NEBL: variants seen among roughly 807,000 people sequenced by gnomAD.
The protein encoded by NEBL is LIM and SH3 protein 2.
A neutral mutation model predicts 140.2 loss-of-function variants in NEBL; 122 were observed. The ratio of observed to expected loss-of-function variants is 0.87; its 90% CI spans 0.75 to 1.01. NEBL has a LOEUF of 1.01. Among genes scored for constraint, NEBL ranks in the 50% least tolerant of loss-of-function variants. NEBL has a pLI of 0.00. For synonymous variants in NEBL, 436 were observed against 398.9 expected (o/e 1.09, Z -1.11); for missense variants, 1,365 against 1,231.3 (o/e 1.11, Z -1.62).
chr10:20,969,147 A>G (rs1775473048), intron 3 of NEBL, among the ~76,000 whole-genome samples: 1 of 152,236 alleles, frequency 6.6e-6, no homozygotes, highest in Non-Finnish European at 1.5e-5. Flanking sequence ...TAAACAGTCG[A>G]AAGGAAAATC....
At chr10:21,268,246 A>T (rs763099874) in intron 1 of NEBL, among the ~76,000 whole-genome samples, 6 of 152,192 alleles carry the variant, frequency 3.9e-5, no homozygotes, top group Non-Finnish European at 7.3e-5. Flanking sequence ...AGGCAGGAGG[A>T]TCAGTTGAGG....
chr10:20,950,804 A>G (rs1013475251), intron 4 of NEBL, among the ~76,000 whole-genome samples: 1 of 152,240 alleles, frequency 6.6e-6, no homozygotes, highest in African/African-American at 2.4e-5. Context: ...TGGGAAATTG[A>G]TTCTATCAAA....
intron 4 of NEBL, among the ~76,000 whole-genome samples, chr10:20,945,877 G>C (rs1475210210): frequency 1.3e-5 from 2 of 152,204 alleles, no homozygotes; most frequent in Non-Finnish European, 2.9e-5. Flanking sequence ...TCCAGTCCCA[G>C]CTCTGTTCTT....
At chr10:21,044,420 A>G (rs1331407911) in intron 2 of NEBL, among the ~76,000 whole-genome samples, 1 of 149,292 alleles carries the variant, frequency 6.7e-6, no homozygotes, top group Non-Finnish European at 1.5e-5. Flanking sequence ...AAAAAAAAAA[A>G]AAAAAAAGCT....
At position 20,858,730 on chromosome 10, in the gene NEBL, C is replaced by A. The variant is rs191812869; in HGVS notation, c.799-386G>T. Among the ~76,000 whole-genome samples the A allele has an allele frequency of 3.2e-3, 490 of 152,308 alleles. 1 individual carries two copies. The highest frequency in any genetic ancestry group is 0.011 in the African/African-American group (473 of 41,584). Reference sequence around the variant, plus strand: ...TTTGATGTTTCCCATCCTATCACCACAGGCTTTTTTAAAGCAACTTTTTGA... The same window carrying A: ...TTTGATGTTTCCCATCCTATCACCAAAGGCTTTTTTAAAGCAACTTTTTGA... On this transcript the variant is annotated intron_variant, in intron 8 of 27. Coordinates refer to ENST00000377122, the MANE Select transcript of NEBL (RefSeq NM_006393.3).
At chr10:21,059,542 C>A (rs1416949063) in intron 2 of NEBL, among the ~76,000 whole-genome samples, 2 of 152,192 alleles carry the variant, frequency 1.3e-5, no homozygotes, top group Non-Finnish European at 2.9e-5. Flanking sequence ...CGTTAACAAC[C>A]TTATACTTTC....
At chr10:20,797,958 C>G (rs1022541602) in intron 26 of NEBL, among the ~76,000 whole-genome samples, 7 of 151,928 alleles carry the variant, frequency 4.6e-5, no homozygotes, top group African/African-American at 1.7e-4. Flanking sequence ...AAAATACTCA[C>G]CAGGCATGGT....
chr10:20,869,023 A>T (rs937646539), intron 6 of NEBL, among the ~76,000 whole-genome samples: 3 of 152,188 alleles, frequency 2.0e-5, no homozygotes, highest in Non-Finnish European at 2.9e-5. Context: ...TTGTAATTAT[A>T]TATAAATACT....
chr10:21,045,626 A>T (rs1167175167), intron 2 of NEBL, among the ~76,000 whole-genome samples: 2 of 152,232 alleles, frequency 1.3e-5, no homozygotes, highest in African/African-American at 4.8e-5. Context: ...AATGCTCAAC[A>T]TCACCAATCA....
At chr10:21,107,426 C>A (rs1837770940) in intron 2 of NEBL, among the ~76,000 whole-genome samples, 1 of 152,146 alleles carries the variant, frequency 6.6e-6, no homozygotes, top group Non-Finnish European at 1.5e-5. Context: ...TTGAGAGAAT[C>A]AAGTGGTTTT....
intron 2 of NEBL, among the ~76,000 whole-genome samples, chr10:21,110,049 T>G (rs1238948799): frequency 6.6e-6 from 1 of 152,178 alleles, no homozygotes. Flanking sequence ...CTGCTAGCTT[T>G]TGAATGTGTC....
At chr10:21,124,954 C>T (rs1365066361) in intron 2 of NEBL, among the ~76,000 whole-genome samples, 2 of 152,116 alleles carry the variant, frequency 1.3e-5, no homozygotes, top group Admixed American at 1.3e-4. Context: ...AGCAAGACTA[C>T]ATCTCTAAAA....
intron 2 of NEBL, chr10:21,030,404 G>A: frequency 1.6e-6 from 1 of 618,302 alleles, no homozygotes. Flanking sequence ...AAAGTCTCTA[G>A]AAAATGAAAC....
At chr10:21,228,825 T>C (rs527468792) in intron 3 of NEBL, among the ~76,000 whole-genome samples, 149 of 152,354 alleles carry the variant, frequency 9.8e-4, no homozygotes, top group Non-Finnish European at 1.8e-3. Flanking sequence ...TCATTCATTT[T>C]ACTCATGGAC....
At chr10:21,189,710 G>A (rs1454713105) in intron 3 of NEBL, among the ~76,000 whole-genome samples, 11 of 151,868 alleles carry the variant, frequency 7.2e-5, no homozygotes, top group Non-Finnish European at 4.4e-5. Flanking sequence ...CTCGTGATCT[G>A]CCCACCTCGG....
chr10:21,152,572 C>A (rs1455344673), intron 2 of NEBL, among the ~76,000 whole-genome samples: 3 of 144,328 alleles, frequency 2.1e-5, no homozygotes, highest in African/African-American at 5.2e-5. Flanking sequence ...AAGACCCTGT[C>A]CAAGAAAAAA....
At chr10:20,990,723 A>G (rs1368294313) in intron 3 of NEBL, among the ~76,000 whole-genome samples, 1 of 152,244 alleles carries the variant, frequency 6.6e-6, no homozygotes, top group African/African-American at 2.4e-5. Flanking sequence ...AATGCAGCTT[A>G]GCCAGCCTAG....
chr10:20,932,466 T>C lies in NEBL; in HGVS notation c.357+29206A>G, dbSNP rs370364851. ...GAGGGAGAGCATTAGGACAAACAAC[T>C]AATGTATGAAGGGCTTAAAATCTAA... On this transcript the variant is annotated intron_variant, in intron 4 of 6. Transcript: ENST00000417816. Among the ~76,000 whole-genome samples, 94 of 152,214 alleles carry C rather than the reference T, an allele frequency of 6.2e-4. 3 individuals are homozygous for C. The East Asian group carries it at 0.015, about 24-fold the overall frequency.
chr10:21,029,309 C>G, intron 2 of NEBL: 1 of 1,609,870 alleles, frequency 6.2e-7, no homozygotes, highest in Non-Finnish European at 8.5e-7. Context: ...GGGAACCTAT[C>G]CTATGATGTG....
Sources: allele counts gnomAD v4.1 joint callset (sites outside exome capture counted in the v4.1 genomes callset), GRCh38; gene constraint gnomAD v4.1.1; transcripts MANE v1.5; gene names NCBI Gene and HGNC (gene_info 2026-07-23, HGNC 2026-07-21).